The following OR56A3 variants were observed in gnomAD, a reference collection of about 807,000 sequenced individuals.
OR56A3 encodes olfactory receptor family 56 subfamily A member 3.
OR56A3 carries 23 observed loss-of-function variants against 17.5 expected under a neutral mutation model. That is an observed-to-expected ratio of 1.32 (90% CI 0.95 to 1.87). The LOEUF (loss-of-function observed/expected upper bound fraction) is 1.87. Ranked by LOEUF, OR56A3 falls within the 40% of genes most tolerant of loss-of-function variation. The pLI is 0.00. For missense variants in OR56A3, 366 were observed against 380.1 expected (o/e 0.96, Z 0.31); for synonymous variants, 175 against 150.6 (o/e 1.16, Z -1.19).
the OR56A3 span, among the ~76,000 whole-genome samples, chr11:6,016,730 G>C: frequency 6.7e-6 from 1 of 150,316 alleles, no homozygotes; most frequent in Non-Finnish European, 1.5e-5. Flanking sequence ...AGTTCAGTGA[G>C]ATACAAGAGA....
chr11:5,955,449 G>T (rs1021989386), downstream of OR56A3, among the ~76,000 whole-genome samples: 2 of 152,118 alleles, frequency 1.3e-5, no homozygotes, highest in African/African-American at 4.8e-5. Flanking sequence ...CAGCTGAGGG[G>T]CATAAGGCAG....
At chr11:5,992,049 A>G in the OR56A3 span, among the ~76,000 whole-genome samples, 1 of 152,202 alleles carries the variant, frequency 6.6e-6, no homozygotes, top group South Asian at 2.1e-4. Context: ...GTAAGCCTGT[A>G]TGTCCTGACA....
At chr11:6,011,223 C>CACATATATATATATATATATATATAT in the OR56A3 span, among the ~76,000 whole-genome samples, 1 of 145,490 alleles carries the variant, frequency 6.9e-6, no homozygotes, top group South Asian at 2.2e-4. Context: ...TATATATATA[C>CACATATATATATATATATATATATAT]ACACATATAT....
chr11:5,991,037 A>T, the OR56A3 span, among the ~76,000 whole-genome samples: 1 of 152,210 alleles, frequency 6.6e-6, no homozygotes, highest in African/African-American at 2.4e-5. Context: ...GCTTGTGGGG[A>T]ACAATGATGA....
the OR56A3 span, among the ~76,000 whole-genome samples, chr11:5,991,905 C>T: frequency 2.2e-4 from 34 of 152,160 alleles, no homozygotes; most frequent in Non-Finnish European, 4.1e-4. Flanking sequence ...TAAGTTAGCC[C>T]CCAGATTGGC....
At chr11:6,004,524 T>A in the OR56A3 span, among the ~76,000 whole-genome samples, 1 of 152,224 alleles carries the variant, frequency 6.6e-6, no homozygotes, top group African/African-American at 2.4e-5. Flanking sequence ...AAGTATTTAT[T>A]TAATCCAAGA....
chr11:6,007,787 A>G, the OR56A3 span, among the ~76,000 whole-genome samples: 1 of 152,300 alleles, frequency 6.6e-6, no homozygotes, highest in East Asian at 1.9e-4. Context: ...CATTCCCACC[A>G]ATGAAAGGAG....
the OR56A3 span, among the ~76,000 whole-genome samples, chr11:5,978,713 T>C: frequency 3.3e-5 from 5 of 152,220 alleles, no homozygotes; most frequent in South Asian, 6.2e-4. Flanking sequence ...TTCTTTCTTT[T>C]TCTTGCCTGA....
the OR56A3 span, among the ~76,000 whole-genome samples, chr11:6,014,989 C>CAAAAAAAAAAAAAAAA: frequency 1.5e-3 from 54 of 35,200 alleles, 9 homozygotes; most frequent in East Asian, 7.1e-3. Flanking sequence ...TATTCATGGG[C>CAAAAAAAAAAAAAAAA]AAAAAAAAAA....
At chr11:5,953,915 T>C (rs1847920346), downstream of OR56A3, among the ~76,000 whole-genome samples, 1 of 152,058 alleles carries the variant, frequency 6.6e-6, no homozygotes, top group Non-Finnish European at 1.5e-5. Context: ...ATTAATTAAT[T>C]AATTGACTGA....
At chr11:6,014,841 A>T in the OR56A3 span, among the ~76,000 whole-genome samples, 1 of 152,044 alleles carries the variant, frequency 6.6e-6, no homozygotes, top group Non-Finnish European at 1.5e-5. Context: ...CACCTTTGTT[A>T]CACCTTGGCA....
chr11:5,952,794 A>G (rs534472871), downstream of OR56A3, among the ~76,000 whole-genome samples: 39 of 152,272 alleles, frequency 2.6e-4, no homozygotes, highest in South Asian at 8.1e-3. Flanking sequence ...TTCAACATAT[A>G]TCCCTTTCCC....
chr11:5,990,185 C>A, the OR56A3 span, among the ~76,000 whole-genome samples: 1 of 152,182 alleles, frequency 6.6e-6, no homozygotes, highest in Non-Finnish European at 1.5e-5. Context: ...CATCCGGAAT[C>A]TAGTGAGTAA....
the OR56A3 span, chr11:6,002,979 C>T: frequency 6.2e-7 from 1 of 1,614,032 alleles, no homozygotes. Flanking sequence ...GGAGTCATTG[C>T]TGGGAGATGC....
the OR56A3 span, among the ~76,000 whole-genome samples, chr11:5,993,627 C>T: frequency 6.6e-6 from 1 of 152,076 alleles, no homozygotes; most frequent in Non-Finnish European, 1.5e-5. Context: ...ATAACTTTCC[C>T]TATACTCTAT....
the OR56A3 span, chr11:6,000,372 C>T: frequency 6.6e-6 from 1 of 152,162 alleles, no homozygotes; most frequent in Non-Finnish European, 1.5e-5. Context: ...GACAAAAAAC[C>T]AAACACCGCA....
At chr11:5,967,774 G>C in the OR56A3 span, 2 of 1,593,526 alleles carry the variant, frequency 1.3e-6, no homozygotes, top group African/African-American at 1.3e-5. Context: ...CAAGTACCTA[G>C]AGCTTTGGCC....
the OR56A3 span, chr11:5,986,291 G>T: frequency 6.2e-7 from 1 of 1,613,988 alleles, no homozygotes; most frequent in Non-Finnish European, 8.5e-7. Context: ...CCATAAGCTC[G>T]ATTGACTGTG....
chr11:5,959,532 C>T, the OR56A3 span, among the ~76,000 whole-genome samples: 5 of 151,980 alleles, frequency 3.3e-5, no homozygotes, highest in Admixed American at 2.6e-4. Flanking sequence ...TGTCAGAGTT[C>T]CTTATATATT....
Sources: allele counts gnomAD v4.1 joint callset (sites outside exome capture counted in the v4.1 genomes callset), GRCh38; gene constraint gnomAD v4.1.1; transcripts MANE v1.5; gene names NCBI Gene and HGNC (gene_info 2026-07-23, HGNC 2026-07-21).